Variants in SARS1 observed in about 807,000 individuals in gnomAD.
SARS1 encodes the protein serine--tRNA ligase, cytoplasmic.
Under a neutral mutation model 63.7 loss-of-function variants are expected in SARS1, and 25 were observed. The ratio of observed to expected loss-of-function variants is 0.39; its 90% CI spans 0.29 to 0.55. SARS1 has a LOEUF of 0.55. Ranked by LOEUF, SARS1 falls within the 20% of genes least tolerant of loss-of-function variation. The pLI is 0.62. For missense variants in SARS1, 417 were observed against 649.7 expected (o/e 0.64, Z 3.89); for synonymous variants, 231 against 243.5 (o/e 0.95, Z 0.48).
In SARS1 at chr1:109,235,829, CT is replaced by C. The variant is rs920848374; in HGVS notation, c.970-146del. 1.4e-6 allele frequency: 1 copy of C among 737,274 alleles called. No individual in the cohort carries two copies. Among genetic ancestry groups the C allele is most frequent in the African/African-American group, 1.7e-5 (1 of 57,290 alleles). 45.7% of individuals were successfully genotyped at this position (737,274 alleles called of 1,614,324 possible). On this transcript the variant is annotated intron_variant, in intron 7 of 10. Coordinates refer to ENST00000234677, the MANE Select transcript of SARS1 (RefSeq NM_006513.4). The surrounding 1 kb of genome is among the most constrained non-coding windows in gnomAD (Gnocchi z 4.7). Reference sequence around the variant, plus strand: ...GAAGCTCGCACCATAAGCATTTGCTCTTGTGGTCCAGTCCCAGTTGCTGGGG... The same window carrying C: ...GAAGCTCGCACCATAAGCATTTGCTCTGTGGTCCAGTCCCAGTTGCTGGGG...
At chr1:109,217,945 A>G (rs1175469094) in intron 1 of SARS1, among the ~76,000 whole-genome samples, 2 of 152,016 alleles carry the variant, frequency 1.3e-5, no homozygotes, top group Non-Finnish European at 2.9e-5. Flanking sequence ...TAATCCCAGC[A>G]CTTTGGGAGG....
chr1:109,214,002 G>A lies in SARS1; in HGVS notation c.10G>A (p.Asp4Asn). 6.2e-7 allele frequency: 1 copy of A among 1,612,812 alleles called. No homozygotes were observed. The highest frequency in any genetic ancestry group is 1.1e-5 in the South Asian group (1 of 90,940). MVL[D>N]LDLFRVDKGG... ...CCCGGGAGGAAAGAAGATGGTGCTG[G>A]ATCTGGATTTGTTTCGGGTGGATAA... The change falls in exon 1 of 11, where the codon GAT (aspartate) becomes AAT (asparagine). Residue 4 changes from aspartate to asparagine, a missense_variant. Around this residue, in one of 3 missense-constraint regions of SARS1, gnomAD observed 359 missense variants for 529.6 expected, o/e 0.68. Transcript: ENST00000234677. This position sits in a 1 kb window ranked among gnomAD's most constrained non-coding sequence, Gnocchi z 4.6.
intron 2 of SARS1, among the ~76,000 whole-genome samples, chr1:109,227,917 CAAAAAAAAA>C (rs5776968): frequency 8.2e-6 from 1 of 121,888 alleles, no homozygotes; most frequent in Non-Finnish European, 1.7e-5. Context: ...GAGACTCCGT[CAAAAAAAAA>C]AAAAAAAAAG....
At chr1:109,233,729 C>T (rs377404548) in intron 6 of SARS1, among the ~76,000 whole-genome samples, 2 of 151,856 alleles carry the variant, frequency 1.3e-5, no homozygotes, top group Admixed American at 1.3e-4. Context: ...CAGAGTCTCA[C>T]TCTGTTACCC....
In SARS1 at chr1:109,235,127, A is replaced by G; in HGVS notation, c.748-83A>G. 4 of 1,107,370 alleles carry G rather than the reference A, an allele frequency of 3.6e-6. No homozygotes were observed. The highest frequency in any genetic ancestry group is 5.5e-6 in the Non-Finnish European group (4 of 727,798). The allele number at this position is 1,107,370 out of a possible 1,614,324, so 68.6% of individuals were successfully genotyped here. On this transcript the variant is annotated intron_variant, in intron 6 of 10. Transcript: ENST00000234677. This position sits in a 1 kb window ranked among gnomAD's most constrained non-coding sequence, Gnocchi z 4.7. Reference sequence around the variant, plus strand: ...TAAAGGAAATTTTTCCTGCACTATTATTGATCTCTTTCTTGTGGTTTCTTA... The same window carrying G: ...TAAAGGAAATTTTTCCTGCACTATTGTTGATCTCTTTCTTGTGGTTTCTTA...
chr1:109,225,631 C>T (rs1655047439), intron 2 of SARS1, among the ~76,000 whole-genome samples: 1 of 152,202 alleles, frequency 6.6e-6, no homozygotes, highest in Non-Finnish European at 1.5e-5. Context: ...TTGTAGAGCA[C>T]TCGAAAGCAT....
chr1:109,225,324 C>T (rs1002666346), intron 2 of SARS1, among the ~76,000 whole-genome samples: 3 of 152,108 alleles, frequency 2.0e-5, no homozygotes, highest in Non-Finnish European at 4.4e-5. Context: ...ACACTTTCAG[C>T]GTGTAACACT....
intron 8 of SARS1, 79 bp from the exon 9 acceptor site, chr1:109,236,312 G>C: frequency 2.1e-6 from 3 of 1,448,634 alleles, no homozygotes; most frequent in East Asian, 4.6e-5. Context: ...ATGAATTAAA[G>C]AATTCTTCAG....
rs747488608 is a variant in SARS1 at position 109,236,088 on chromosome 1, A to G, written c.1081A>G (p.Ile361Val). ...CCAGTCCCTGGGGATTCCTTACCACATTGTGAATATTGTCTCAGGTATGGG... is the reference window on the plus strand; with the variant it reads ...CCAGTCCCTGGGGATTCCTTACCACGTTGTGAATATTGTCTCAGGTATGGG... ...FYQSLGIPYH[I>V]VNIVSGSLNH... The change falls in exon 8 of 11, where the codon ATT becomes GTT. Residue 361 changes from isoleucine to valine, a missense_variant. Around this residue, in one of 3 missense-constraint regions of SARS1, gnomAD observed 359 missense variants for 529.6 expected, o/e 0.68. Transcript: ENST00000234677. The G allele has an allele frequency of 2.5e-6, 4 of 1,613,556 alleles. No homozygotes were observed. The African/African-American group carries it at 4.0e-5, about 16-fold the overall frequency.
chr1:109,235,391 G>C lies in SARS1; in HGVS notation c.929G>C (p.Arg310Pro). 5 of 1,613,770 alleles carry C rather than the reference G, an allele frequency of 3.1e-6. No homozygotes were observed. The highest frequency in any genetic ancestry group is 3.4e-6 in the Non-Finnish European group (4 of 1,180,022). ...CFRQEVGSHGRDTRGIFRVHQ... is the reference protein window; with the variant it reads ...CFRQEVGSHGPDTRGIFRVHQ... ...CGTCAGGAGGTGGGCTCCCATGGCCGTGACACCCGTGGCATCTTCCGAGTC... is the reference window on the plus strand; with the variant it reads ...CGTCAGGAGGTGGGCTCCCATGGCCCTGACACCCGTGGCATCTTCCGAGTC... Residue 310 changes from arginine to proline, a missense_variant, in exon 7 of 11, where the codon CGT becomes CCT. Coordinates refer to ENST00000234677, the MANE Select transcript of SARS1 (RefSeq NM_006513.4). This position sits in a 1 kb window ranked among gnomAD's most constrained non-coding sequence, Gnocchi z 4.7.
rs1277925 is a variant in SARS1 at position 109,217,957 on chromosome 1, C to T, written c.136+3829C>T. Among the ~76,000 whole-genome samples the T allele has an allele frequency of 2.6e-3, 399 of 152,016 alleles. 1 individual carries two copies. The highest frequency in any genetic ancestry group is 4.5e-3 in the Non-Finnish European group (309 of 67,974). The stretch of plus-strand genomic sequence containing the variant: ...CTGTAATCCCAGCACTTTGGGAGGC[C>T]GAGGCAGGCAGATCACAAGGTCAGG... On this transcript the variant is annotated intron_variant, in intron 1 of 10. Transcript: ENST00000234677.
At chr1:109,226,697 T>TACACATATATATATATATATATAC (rs1553177764) in intron 2 of SARS1, among the ~76,000 whole-genome samples, 3 of 104,178 alleles carry the variant, frequency 2.9e-5, no homozygotes, top group East Asian at 5.5e-4. Context: ...TATATATATA[T>TACACATATATATATATATATATAC]ACACACACAC....
At chr1:109,227,018 CAG>C (rs1431078147) in intron 2 of SARS1, among the ~76,000 whole-genome samples, 2 of 124,330 alleles carry the variant, frequency 1.6e-5, no homozygotes, top group Admixed American at 8.9e-5. Context: ...TTTTTTGAGA[CAG>C]AGTCTTACTC....
rs1342391533 is a variant in SARS1 at position 109,213,984 on chromosome 1, G to A, written c.-9G>A. ...TGCTTCCCTGAGCGTTGGCCCGGGAGGAAAGAAGATGGTGCTGGATCTGGA... is the reference window on the plus strand; with the variant it reads ...TGCTTCCCTGAGCGTTGGCCCGGGAAGAAAGAAGATGGTGCTGGATCTGGA... On this transcript the variant is annotated 5_prime_UTR_variant, in exon 1 of 11. Transcript: ENST00000234677. The A allele has an allele frequency of 2.5e-6, 4 of 1,606,594 alleles. No homozygotes were observed. Among genetic ancestry groups the A allele is most frequent in the East Asian group, 4.5e-5 (2 of 44,076 alleles).
Position 109,235,520 on chromosome 1 carries a change from T to A in SARS1, c.969+89T>A. 1.9e-6 allele frequency: 2 copies of A among 1,054,852 alleles called. No individual in the cohort carries two copies. The highest frequency in any genetic ancestry group is 1.6e-5 in the African/African-American group (1 of 63,674). 65.3% of individuals were successfully genotyped at this position (1,054,852 alleles called of 1,614,324 possible). A position where few individuals can be genotyped will look rare whatever the true frequency, so the allele number is the denominator to read the frequency against. On this transcript the variant is annotated intron_variant, in intron 7 of 10. Coordinates refer to ENST00000234677, the MANE Select transcript of SARS1 (RefSeq NM_006513.4). This position sits in a 1 kb window ranked among gnomAD's most constrained non-coding sequence, Gnocchi z 4.7. ...ATAGGATCTGTGTTGCTGAGGCCCA[T>A]CCTGGCTCCAGCTTTTCCTCTCATT...
intron 1 of SARS1, chr1:109,216,036 A>G (rs1654776991): frequency 1.0e-6 from 1 of 985,128 alleles, no homozygotes. Flanking sequence ...TATTAATTTG[A>G]TTCTTTTCTA....
At chr1:109,229,346 C>A in intron 3 of SARS1, 68 bp from the exon 4 acceptor site, 1 of 1,529,246 alleles carries the variant, frequency 6.5e-7, no homozygotes, top group Admixed American at 1.9e-5. Context: ...GTTAGGGCAA[C>A]CGAATCATAT....
intron 6 of SARS1, among the ~76,000 whole-genome samples, chr1:109,232,459 C>T (rs1427442441): frequency 6.6e-6 from 1 of 152,210 alleles, no homozygotes; most frequent in Non-Finnish European, 1.5e-5. Context: ...TTCAACTCTT[C>T]TGTCAGAAAT....
At position 109,214,644 on chromosome 1, in the gene SARS1, G is replaced by A. The variant is rs973794513; in HGVS notation, c.136+516G>A. On this transcript the variant is annotated intron_variant, in intron 1 of 10. Transcript: ENST00000234677. The surrounding 1 kb of genome is among the most constrained non-coding windows in gnomAD (Gnocchi z 4.6). ...TTCGGGGCGTTGGAGGCCGCTCTTGGCCAAAATAAATGACCCTGAAGCTTT... is the reference window on the plus strand; with the variant it reads ...TTCGGGGCGTTGGAGGCCGCTCTTGACCAAAATAAATGACCCTGAAGCTTT... 6.1e-6 allele frequency: 6 copies of A among 985,628 alleles called. No homozygotes were observed. The African/African-American group carries it at 7.0e-5, about 11-fold the overall frequency. 61.1% of individuals were successfully genotyped at this position (985,628 alleles called of 1,614,324 possible). A position where few individuals can be genotyped will look rare whatever the true frequency, so the allele number is the denominator to read the frequency against.
Sources: gnomAD v4.1 joint callset for allele counts (sites outside exome capture counted in the v4.1 genomes callset) on GRCh38, gnomAD v4.1.1 for gene constraint, gnomAD v4.1.1 regional missense constraint, Gnocchi (gnomAD v3.1) non-coding constraint, MANE v1.5 for transcripts, NCBI Gene and HGNC (gene_info 2026-07-23, HGNC 2026-07-21) for gene names.